Variants in GRIK4 observed in about 807,000 individuals in gnomAD.
GRIK4 encodes glutamate ionotropic receptor kainate type subunit 4, also known as glutamate receptor ionotropic, kainate 4.
In GRIK4, 40 loss-of-function variants were observed where a neutral mutation model predicts 104.9. That is an observed-to-expected ratio of 0.38 (90% CI 0.30 to 0.50). GRIK4 has a LOEUF of 0.50. GRIK4 is among the 20% of genes least tolerant of loss of function. The pLI, the probability that GRIK4 is intolerant of heterozygous loss-of-function variation, is 0.93. For missense variants in GRIK4, 1,047 were observed against 1,308.1 expected, an observed-to-expected ratio of 0.80 and a Z score of 3.08; for synonymous variants, 485 against 524.9, an observed-to-expected ratio of 0.92 and a Z score of 1.04.
chr11:120,723,490 A>G (rs1950968608), intron 3 of GRIK4, among the ~76,000 whole-genome samples: 1 of 152,186 alleles, frequency 6.6e-6, no homozygotes, highest in South Asian at 2.1e-4. Flanking sequence ...CCTCGGGCAA[A>G]TCCCTGAATC....
chr11:120,823,878 A>C lies in GRIK4; in HGVS notation c.511+3958A>C, dbSNP rs549550224. ...CCTGCTGAGGCTGCTGAGGGACTCCAGTCCCCACCCTCCAGGGCCAGAGCA... is the reference window on the plus strand; with the variant it reads ...CCTGCTGAGGCTGCTGAGGGACTCCCGTCCCCACCCTCCAGGGCCAGAGCA... On this transcript the variant is annotated intron_variant, in intron 6 of 20. Transcript: ENST00000527524. 2.0e-4 allele frequency among the ~76,000 whole-genome samples: 30 copies of C among 152,330 alleles called. 1 individual carries two copies. In the South Asian group the frequency reaches 6.2e-3, roughly 32 times the overall value.
At chr11:120,809,168 C>T (rs946694585) in intron 4 of GRIK4, among the ~76,000 whole-genome samples, 2 of 152,240 alleles carry the variant, frequency 1.3e-5, no homozygotes, top group Admixed American at 1.3e-4. Flanking sequence ...CGACGCCCCT[C>T]ACCCCACCAC....
intron 3 of GRIK4, among the ~76,000 whole-genome samples, chr11:120,699,211 T>A (rs576504661): frequency 6.6e-6 from 1 of 152,166 alleles, no homozygotes; most frequent in South Asian, 2.1e-4. Flanking sequence ...TGCCTTGATC[T>A]CTCTTGGTGG....
chr11:120,634,848 A>G (rs1949378225), intron 1 of GRIK4, among the ~76,000 whole-genome samples: 1 of 152,084 alleles, frequency 6.6e-6, no homozygotes. Context: ...CGGAGTCGCC[A>G]AGCATGTGAC....
chr11:120,710,997 T>TGGCGGG (rs1555046761), intron 3 of GRIK4, among the ~76,000 whole-genome samples: 2 of 124,864 alleles, frequency 1.6e-5, no homozygotes, highest in Non-Finnish European at 3.3e-5. Flanking sequence ...CCCTGTGAGG[T>TGGCGGG]GGGGAGGGGG....
intron 3 of GRIK4, among the ~76,000 whole-genome samples, chr11:120,693,101 T>TTTA (rs902234873): frequency 2.6e-5 from 4 of 151,728 alleles, no homozygotes; most frequent in Admixed American, 6.6e-5. Context: ...ATGATTTTAT[T>TTTA]TTATTATTAT....
chr11:120,961,538 G>A (rs1449690343), intron 17 of GRIK4, among the ~76,000 whole-genome samples: 2 of 152,162 alleles, frequency 1.3e-5, no homozygotes, highest in African/African-American at 4.8e-5. Flanking sequence ...GAAGTTTGAG[G>A]AACACCAGCT....
chr11:120,859,810 A>C (rs1277667540), intron 8 of GRIK4, among the ~76,000 whole-genome samples: 1 of 152,230 alleles, frequency 6.6e-6, no homozygotes, highest in Non-Finnish European at 1.5e-5. Flanking sequence ...TTTTTCCCCT[A>C]ATGGGAATGT....
At chr11:120,768,832 T>C (rs1414363127) in intron 3 of GRIK4, among the ~76,000 whole-genome samples, 1 of 152,230 alleles carries the variant, frequency 6.6e-6, no homozygotes, top group Non-Finnish European at 1.5e-5. Context: ...ATTAATGTGA[T>C]GTGTCATGCT....
chr11:120,929,216 T>A (rs1290301219), intron 13 of GRIK4, among the ~76,000 whole-genome samples: 1 of 152,118 alleles, frequency 6.6e-6, no homozygotes, highest in Non-Finnish European at 1.5e-5. Flanking sequence ...CCCTAAGAGT[T>A]TCTCTTTGTC....
In GRIK4 at chr11:120,968,000, ATTTC is replaced by A. The variant is rs1400504310; in HGVS notation, c.2395+680_2395+683del. ...AGACCTCATCGCTACCTGATATTAT[ATTTC>A]TTGTGTATTTGTTTACTTTCCACTT... is the stretch of plus-strand genomic sequence containing the variant. On this transcript the variant is annotated intron_variant, in intron 19 of 20. Transcript: ENST00000527524. This position sits in a 1 kb window ranked among gnomAD's most constrained non-coding sequence, Gnocchi z 4.2. 2.6e-5 allele frequency among the ~76,000 whole-genome samples: 4 copies of A among 151,882 alleles called. No homozygotes were observed. Among genetic ancestry groups the A allele is most frequent in the Non-Finnish European group, 5.9e-5 (4 of 67,980 alleles).
In GRIK4 at chr11:120,956,757, T is replaced by G; in HGVS notation, c.1701-23T>G. On this transcript the variant is annotated intron_variant, in intron 15 of 20. Coordinates refer to ENST00000527524, the MANE Select transcript of GRIK4 (RefSeq NM_014619.5). This position sits in a 1 kb window ranked among gnomAD's most constrained non-coding sequence, Gnocchi z 4.6. ...TCACACCCCGCCTCTGTGGCACTAG[T>G]GTATGTTCCTTTTCTCCCACAGGTT... The G allele has an allele frequency of 6.6e-7, 1 of 1,513,598 alleles. No individual in the cohort carries two copies. The highest frequency in any genetic ancestry group is 8.9e-7 in the Non-Finnish European group (1 of 1,119,068). The allele number at this position is 1,513,598 out of a possible 1,614,324, so 93.8% of individuals were successfully genotyped here.
At chr11:120,802,637 G>C (rs2135512472) in intron 3 of GRIK4, 56 bp from the exon 4 acceptor site, 1 of 1,459,750 alleles carries the variant, frequency 6.9e-7, no homozygotes, top group Non-Finnish European at 9.6e-7. Flanking sequence ...GGAGAAGGAG[G>C]AGGGTAACAG....
chr11:120,926,672 C>G (rs1943352222), intron 13 of GRIK4, among the ~76,000 whole-genome samples: 1 of 152,182 alleles, frequency 6.6e-6, no homozygotes. Context: ...CTGAGCTCCT[C>G]TTTCTTGGAT....
chr11:120,685,673 G>A (rs763189347), intron 3 of GRIK4, among the ~76,000 whole-genome samples: 2 of 152,084 alleles, frequency 1.3e-5, no homozygotes, highest in Non-Finnish European at 2.9e-5. Flanking sequence ...CCAACCCAAT[G>A]GCATTTTCTT....
chr11:120,685,533 T>C (rs1430849823), intron 3 of GRIK4, among the ~76,000 whole-genome samples: 1 of 152,158 alleles, frequency 6.6e-6, no homozygotes, highest in African/African-American at 2.4e-5. Context: ...ATCAGACAAG[T>C]GTTCAAAGCT....
At chr11:120,587,033 G>A (rs1219428062) in intron 1 of GRIK4, among the ~76,000 whole-genome samples, 2 of 152,170 alleles carry the variant, frequency 1.3e-5, no homozygotes, top group Non-Finnish European at 2.9e-5. Flanking sequence ...AGTTAGAGAG[G>A]CATTTTTATT....
chr11:120,523,158 C>G (rs1947815477), intron 1 of GRIK4, among the ~76,000 whole-genome samples: 2 of 148,626 alleles, frequency 1.3e-5, no homozygotes, highest in Non-Finnish European at 3.0e-5. Flanking sequence ...GAGTAGGCAA[C>G]TAGATGGAGG....
At chr11:120,594,843 G>T (rs1368749250) in intron 1 of GRIK4, among the ~76,000 whole-genome samples, 2 of 152,212 alleles carry the variant, frequency 1.3e-5, no homozygotes, top group African/African-American at 4.8e-5. Flanking sequence ...ATGTCTGCTG[G>T]TGGCTGTGGG....
Sources: gnomAD v4.1 joint callset for allele counts (sites outside exome capture counted in the v4.1 genomes callset) on GRCh38, gnomAD v4.1.1 for gene constraint, Gnocchi (gnomAD v3.1) non-coding constraint, MANE v1.5 for transcripts, NCBI Gene and HGNC (gene_info 2026-07-23, HGNC 2026-07-21) for gene names.